DSE: variants seen among roughly 807,000 people sequenced by gnomAD.
DSE encodes dermatan sulfate epimerase.
Under a neutral mutation model 84.4 loss-of-function variants are expected in DSE, and 36 were observed. The observed-to-expected ratio is 0.43, with a 90% CI of 0.33 to 0.56. The LOEUF (loss-of-function observed/expected upper bound fraction) is 0.56. DSE is among the 20% of genes least tolerant of loss of function. The pLI is 0.06. For synonymous variants in DSE, 410 were observed against 430.1 expected, an observed-to-expected ratio of 0.95 and a Z score of 0.58; for missense variants, 862 against 1,169.6, an observed-to-expected ratio of 0.74 and a Z score of 3.84.
intron 2 of DSE, among the ~76,000 whole-genome samples, chr6:116,402,210 C>T (rs1781641670): frequency 6.6e-6 from 1 of 152,170 alleles, no homozygotes; most frequent in Non-Finnish European, 1.5e-5. Context: ...TTTCTCTGCT[C>T]AGAATTGAGT....
intron 2 of DSE, among the ~76,000 whole-genome samples, chr6:116,406,031 A>T (rs755511215): frequency 2.6e-5 from 4 of 152,248 alleles, no homozygotes; most frequent in Non-Finnish European, 4.4e-5. Flanking sequence ...TAAAAATGTT[A>T]TGACAGTTAT....
intron 2 of DSE, among the ~76,000 whole-genome samples, chr6:116,346,151 C>G (rs1777952599): frequency 6.6e-6 from 1 of 152,122 alleles, no homozygotes; most frequent in Non-Finnish European, 1.5e-5. Context: ...AAAAAAAGTC[C>G]AGGACCAGAC....
At chr6:116,373,983 A>G (rs1238543760) in intron 1 of DSE, among the ~76,000 whole-genome samples, 1 of 152,238 alleles carries the variant, frequency 6.6e-6, no homozygotes, top group East Asian at 1.9e-4. Context: ...GAGTTTTAGT[A>G]TATTGGTAAT....
At chr6:116,423,786 G>A (rs929045) in intron 2 of DSE, among the ~76,000 whole-genome samples, 95,791 of 151,974 alleles carry the variant, frequency 0.63, 31,094 homozygotes, top group Admixed American at 0.71. Context: ...AGATCGTGTT[G>A]GTGAAAGATT....
chr6:116,273,526 T>G (rs1170167283), intron 2 of DSE, among the ~76,000 whole-genome samples: 2 of 152,178 alleles, frequency 1.3e-5, no homozygotes, highest in Admixed American at 6.5e-5. Context: ...CTATATAGTC[T>G]AGGACTTTAA....
chr6:116,419,116 T>TGC (rs1782913221), intron 2 of DSE, among the ~76,000 whole-genome samples: 1 of 152,224 alleles, frequency 6.6e-6, no homozygotes, highest in Admixed American at 6.5e-5. Flanking sequence ...CCCCTTGGAC[T>TGC]GCTGACTACC....
chr6:116,309,072 G>A (rs200749992), intron 2 of DSE, among the ~76,000 whole-genome samples: 2 of 151,908 alleles, frequency 1.3e-5, no homozygotes, highest in Admixed American at 6.6e-5. Context: ...TTTACTAAAA[G>A]TTTTTATTTT....
chr6:116,401,349 G>C lies in DSE; in HGVS notation c.416+1683G>C, dbSNP rs1446673063. On this transcript the variant is annotated intron_variant, in intron 2 of 5. Transcript: ENST00000644252. ...GGAGGTGTATAGAAACTTACTAGGG[G>C]TCTAGTACTTTATTCATGGCAATAT... 5 of 151,906 alleles carry C rather than the reference G, an allele frequency of 3.3e-5. 1 individual carries two copies. The highest frequency in any genetic ancestry group is 1.2e-4 in the African/African-American group (5 of 41,352). The allele number at this position is 151,906 out of a possible 1,614,324, so 9.4% of individuals were successfully genotyped here. A position where few individuals can be genotyped will look rare whatever the true frequency, so the allele number is the denominator to read the frequency against.
chr6:116,352,019 A>G (rs899190953), intron 2 of DSE, among the ~76,000 whole-genome samples: 11 of 152,174 alleles, frequency 7.2e-5, no homozygotes, highest in Admixed American at 5.9e-4. Context: ...TTAAATCTTT[A>G]TTAATTTGTG....
Position 116,436,864 on chromosome 6 carries a change from A to T in DSE, c.2396A>T (p.Gln799Leu). The part of the protein sequence containing the change: ...AIDRIFAISQ[Q>L]QQQQSKSKKN... ...GACAGGATTTTTGCCATATCACAGCAACAGCAGCAGCAAAGCAAGTCAAAG... is the reference window on the plus strand; with the variant it reads ...GACAGGATTTTTGCCATATCACAGCTACAGCAGCAGCAAAGCAAGTCAAAG... Residue 799 changes from glutamine to leucine, a missense_variant, in exon 6 of 6, where the codon CAA becomes CTA. Gln to Leu is a moderately radical substitution (Grantham distance 113, BLOSUM62 -2). This residue lies in a region of DSE where 315 missense variants were observed against 348.1 expected (regional missense o/e 0.90). Coordinates refer to ENST00000644252, the MANE Select transcript of DSE (RefSeq NM_013352.4). 1 of 1,614,150 alleles carries T rather than the reference A, an allele frequency of 6.2e-7. No homozygotes were observed.
chr6:116,427,946 T>C (rs1783555755), intron 3 of DSE, among the ~76,000 whole-genome samples: 1 of 152,212 alleles, frequency 6.6e-6, no homozygotes, highest in Non-Finnish European at 1.5e-5. Flanking sequence ...CCCAGCACTT[T>C]GGAAGGCCAA....
At chr6:116,275,634 A>G (rs1479880414) in intron 2 of DSE, among the ~76,000 whole-genome samples, 2 of 152,164 alleles carry the variant, frequency 1.3e-5, no homozygotes, top group Non-Finnish European at 2.9e-5. Context: ...CCCCATCTCT[A>G]CTAAAAATAC....
At chr6:116,369,991 T>C, upstream of DSE, 1 of 1,272,002 alleles carries the variant, frequency 7.9e-7, no homozygotes, top group Non-Finnish European at 1.0e-6. Flanking sequence ...TTGCACACAC[T>C]GGGTGGAGGT....
At chr6:116,415,230 G>A (rs527419010) in intron 2 of DSE, among the ~76,000 whole-genome samples, 1 of 152,290 alleles carries the variant, frequency 6.6e-6, no homozygotes, top group East Asian at 1.9e-4. Flanking sequence ...TGAAATTATA[G>A]TCTGGAAATT....
At chr6:116,420,680 A>C (rs920807123) in intron 2 of DSE, among the ~76,000 whole-genome samples, 1 of 152,250 alleles carries the variant, frequency 6.6e-6, no homozygotes, top group African/African-American at 2.4e-5. Context: ...ATACAAATTT[A>C]AATAATATTC....
Position 116,277,908 on chromosome 6 carries a change from CAAAAAAAA to C in DSE, c.-54+18960_-54+18967del, listed in dbSNP as rs57691187. On this transcript the variant is annotated intron_variant, in intron 2 of 3. Coordinates refer to the DSE transcript ENST00000430252. ...CAGAGCAAGACTCCGTCCTCCGTCT[CAAAAAAAA>C]AAAAAAAAAAAAAAAAAAGGAAAAC... 53 of 57,356 alleles carry C rather than the reference CAAAAAAAA, an allele frequency of 9.2e-4. 1 individual carries two copies. Among genetic ancestry groups the C allele is most frequent in the Admixed American group, 3.1e-3 (16 of 5,116 alleles). 3.6% of individuals were successfully genotyped at this position (57,356 alleles called of 1,614,324 possible).
rs1018345565 is a variant in DSE, at chr6:116,412,474, G to A, written c.416+12808G>A. The A allele has an allele frequency of 2.6e-5, 4 of 152,176 alleles. No individual in the cohort carries two copies. In the South Asian group the frequency reaches 6.2e-4, roughly 24 times the overall value. 9.4% of individuals were successfully genotyped at this position (152,176 alleles called of 1,614,324 possible). On this transcript the variant is annotated intron_variant, in intron 2 of 5. Transcript: ENST00000644252. ...CAGACCCTCTGCTGGGAAGTGCCTG[G>A]GCAGCCTGGATTTCAACACAGCTCC...
At chr6:116,353,350 A>C (rs767001640) in intron 2 of DSE, among the ~76,000 whole-genome samples, 7 of 152,204 alleles carry the variant, frequency 4.6e-5, no homozygotes, top group Non-Finnish European at 8.8e-5. Flanking sequence ...TATTGGGTGG[A>C]AAATTAAGGG....
chr6:116,360,046 T>G (rs1462743582), intron 2 of DSE, among the ~76,000 whole-genome samples: 1 of 152,182 alleles, frequency 6.6e-6, no homozygotes. Flanking sequence ...AGGAACAAGA[T>G]CATGTCCTTT....
Sources: allele counts gnomAD v4.1 joint callset (sites outside exome capture counted in the v4.1 genomes callset), GRCh38; gene constraint gnomAD v4.1.1; regional missense constraint gnomAD v4.1.1; transcripts MANE v1.5; gene names NCBI Gene and HGNC (gene_info 2026-07-23, HGNC 2026-07-21).